The following GUCY1A1 variants were observed in gnomAD, a reference collection of about 807,000 sequenced individuals.
GUCY1A1 encodes guanylate cyclase 1 soluble subunit alpha 1.
A neutral mutation model predicts 64.5 loss-of-function variants in GUCY1A1; 48 were observed. The observed-to-expected ratio is 0.74, with a 90% CI of 0.59 to 0.95. The LOEUF is 0.95. GUCY1A1 is among the 40% of genes least tolerant of loss of function. The pLI is 0.00. For missense variants in GUCY1A1, 804 were observed against 825.3 expected, an observed-to-expected ratio of 0.97 and a Z score of 0.32; for synonymous variants, 308 against 303.4, an observed-to-expected ratio of 1.02 and a Z score of -0.16.
intron 3 of GUCY1A1, among the ~76,000 whole-genome samples, chr4:155,703,177 T>C (rs1159675818): frequency 6.6e-6 from 1 of 152,148 alleles, no homozygotes; most frequent in Non-Finnish European, 1.5e-5. Context: ...TATAAAAGCT[T>C]ACATACAAAT....
At position 155,711,207 on chromosome 4, in the gene GUCY1A1, G is replaced by C. The variant is rs1456647516; in HGVS notation, c.1042G>C (p.Val348Leu). The C allele has an allele frequency of 1.9e-6, 3 of 1,610,992 alleles. No homozygotes were observed. Among genetic ancestry groups the C allele is most frequent in the Non-Finnish European group, 2.5e-6 (3 of 1,177,348 alleles). ...IMTMLNMQFV[V>L]RVRRWDNSVK... Reference sequence around the variant, plus strand: ...GACTATGTTGAATATGCAGTTTGTTGTACGAGTGAGGAGATGGGACAACTC... The same window carrying C: ...GACTATGTTGAATATGCAGTTTGTTCTACGAGTGAGGAGATGGGACAACTC... The change falls in exon 6 of 10, where the codon GTA becomes CTA. Residue 348 changes from valine (V) to leucine (L), a missense_variant. By Grantham distance (32) the Val-to-Leu change is conservative. Transcript: ENST00000506455.
At chr4:155,672,555 C>G (rs754018744) in intron 2 of GUCY1A1, among the ~76,000 whole-genome samples, 1 of 152,188 alleles carries the variant, frequency 6.6e-6, no homozygotes, top group Non-Finnish European at 1.5e-5. Flanking sequence ...TGTCAAGTAA[C>G]TGCTATTAAA....
chr4:155,686,895 T>G (rs1413934294), intron 2 of GUCY1A1, among the ~76,000 whole-genome samples: 1 of 152,196 alleles, frequency 6.6e-6, no homozygotes, highest in Non-Finnish European at 1.5e-5. Context: ...AGAATCTTTC[T>G]GCTCTAAGCT....
chr4:155,708,880 G>A (rs1218302966), intron 5 of GUCY1A1, among the ~76,000 whole-genome samples: 1 of 151,876 alleles, frequency 6.6e-6, no homozygotes, highest in Non-Finnish European at 1.5e-5. Context: ...TATGAAGAGG[G>A]CACTATTCTT....
chr4:155,696,962 A>G lies in GUCY1A1; in HGVS notation c.95A>G (p.Glu32Gly). 6.2e-7 allele frequency: 1 copy of G among 1,613,450 alleles called. No homozygotes were observed. Among genetic ancestry groups the G allele is most frequent in the Admixed American group, 1.7e-5 (1 of 59,964 alleles). The change falls in exon 3 of 10, where the codon GAG becomes GGG. Residue 32 changes from glutamate (E) to glycine (G), a missense_variant. Transcript: ENST00000506455. The part of the protein sequence containing the change: ...PGQVPNESSE[E>G]AAGSSESCKA... ...CAAGTTCCTAACGAGTCTTCAGAGG[A>G]GGCAGCAGGAAGCTCAGAGAGCTGC...
chr4:155,693,247 G>A (rs1056920767), intron 2 of GUCY1A1, among the ~76,000 whole-genome samples: 4 of 152,076 alleles, frequency 2.6e-5, no homozygotes, highest in Non-Finnish European at 5.9e-5. Context: ...AAGTTTATTT[G>A]GAGGCTGTTT....
At chr4:155,705,898 G>A (rs35509899) in intron 4 of GUCY1A1, among the ~76,000 whole-genome samples, 6,231 of 152,248 alleles carry the variant, frequency 0.041, 158 homozygotes, top group Middle Eastern at 0.082. Flanking sequence ...AACATGAGAA[G>A]CATTCCAGAA....
chr4:155,704,092 T>A, intron 4 of GUCY1A1, 99 bp downstream of exon 4: 1 of 703,460 alleles, frequency 1.4e-6, no homozygotes, highest in Non-Finnish European at 2.5e-6. Flanking sequence ...CTTTATTGAA[T>A]CATTGTGGTA....
chr4:155,706,802 C>T (rs992578165), intron 4 of GUCY1A1, among the ~76,000 whole-genome samples: 2 of 152,154 alleles, frequency 1.3e-5, no homozygotes, highest in Admixed American at 1.3e-4. Context: ...AACTAAGCTT[C>T]GCTCATTTGG....
chr4:155,723,446 T>A (rs930812832), intron 9 of GUCY1A1, among the ~76,000 whole-genome samples: 1 of 152,048 alleles, frequency 6.6e-6, no homozygotes, highest in Non-Finnish European at 1.5e-5. Flanking sequence ...AACCGGAAAA[T>A]AAACCAATCC....
At chr4:155,704,015 G>A (rs1579068603) in intron 4 of GUCY1A1, 22 bp downstream of exon 4, 3 of 1,471,970 alleles carry the variant, frequency 2.0e-6, no homozygotes, top group Non-Finnish European at 2.8e-6. Flanking sequence ...CACTTTAGTT[G>A]TGTGAACCTC....
rs899171411 is a variant in GUCY1A1 at position 155,730,924 on chromosome 4, C to G, written c.*693C>G. On this transcript the variant is annotated 3_prime_UTR_variant, in exon 10 of 10. Transcript: ENST00000506455. Reference sequence around the variant, plus strand: ...AATAATAAATATTTCTTTTGTTTGACTTTTTTAAAATTCTACAATGGTAAA... The same window carrying G: ...AATAATAAATATTTCTTTTGTTTGAGTTTTTTAAAATTCTACAATGGTAAA... 6.5e-6 allele frequency: 1 copy of G among 153,156 alleles called. No homozygotes were observed. The highest frequency in any genetic ancestry group is 1.5e-5 in the Non-Finnish European group (1 of 67,824). The allele number at this position is 153,156 out of a possible 1,614,324, so 9.5% of individuals were successfully genotyped here.
chr4:155,712,545 A>T (rs1732711141), intron 6 of GUCY1A1, among the ~76,000 whole-genome samples: 1 of 152,000 alleles, frequency 6.6e-6, no homozygotes, highest in Admixed American at 6.6e-5. Flanking sequence ...CATCTCTCTC[A>T]CGACAGAAAA....
At chr4:155,711,515 A>G in intron 6 of GUCY1A1, 1 of 256,286 alleles carries the variant, frequency 3.9e-6, no homozygotes, top group Admixed American at 5.0e-5. Context: ...ATGAAATTTG[A>G]TAAATGTTTA....
At chr4:155,702,111 C>A (rs192903656) in intron 3 of GUCY1A1, among the ~76,000 whole-genome samples, 2 of 151,938 alleles carry the variant, frequency 1.3e-5, no homozygotes, top group Non-Finnish European at 2.9e-5. Context: ...TAAGCAAAAC[C>A]GACACTCTCT....
intron 8 of GUCY1A1, among the ~76,000 whole-genome samples, chr4:155,719,131 G>T (rs894521445): frequency 2.0e-5 from 3 of 152,096 alleles, no homozygotes; most frequent in Non-Finnish European, 4.4e-5. Flanking sequence ...GTTATTTGCA[G>T]AAATGTATTT....
intron 8 of GUCY1A1, among the ~76,000 whole-genome samples, chr4:155,717,532 G>T (rs1733421380): frequency 1.3e-5 from 2 of 151,970 alleles, no homozygotes; most frequent in Non-Finnish European, 2.9e-5. Flanking sequence ...CTATAAGTTG[G>T]GCTTTCAAAA....
At position 155,717,199 on chromosome 4, in the gene GUCY1A1, T is replaced by G. The variant is rs1156307100; in HGVS notation, c.1613T>G (p.Leu538Ter). ...IGDAYCVAGG[L>*]HKESDTHAVQ... ...GATGCCTATTGTGTAGCTGGGGGATTACACAAAGAGAGTGATACTCATGCT... is the reference window on the plus strand; with the variant it reads ...GATGCCTATTGTGTAGCTGGGGGATGACACAAAGAGAGTGATACTCATGCT... The change falls in exon 8 of 10, where the codon TTA becomes TGA. Residue 538 changes from leucine to a stop codon, truncating the protein, a stop_gained. Coordinates refer to ENST00000506455, the MANE Select transcript of GUCY1A1 (RefSeq NM_001130682.3). LOFTEE classifies it high-confidence loss of function. 1 of 1,560,186 alleles carries G rather than the reference T, an allele frequency of 6.4e-7. No individual in the cohort carries two copies. The highest frequency in any genetic ancestry group is 8.7e-7 in the Non-Finnish European group (1 of 1,146,890).
intron 2 of GUCY1A1, among the ~76,000 whole-genome samples, chr4:155,668,412 AT>A (rs773376387): frequency 2.6e-4 from 40 of 151,858 alleles, no homozygotes; most frequent in East Asian, 1.7e-3. Context: ...AATAGGACAG[AT>A]TTTTTTTTCT....
Sources: gnomAD v4.1 joint callset for allele counts (sites outside exome capture counted in the v4.1 genomes callset) on GRCh38, gnomAD v4.1.1 for gene constraint, MANE v1.5 for transcripts, NCBI Gene and HGNC (gene_info 2026-07-23, HGNC 2026-07-21) for gene names.